The following NBAS variants were observed in gnomAD, a reference collection of about 807,000 sequenced individuals.
NBAS encodes NBAS subunit of NRZ tethering complex.
A neutral mutation model predicts 302.5 loss-of-function variants in NBAS; 219 were observed. That is an observed-to-expected ratio of 0.72 (90% CI 0.65 to 0.81). NBAS has a LOEUF of 0.81. NBAS is among the 30% of genes least tolerant of loss of function. NBAS has a pLI of 0.00. For missense variants in NBAS, 2,932 were observed against 2,841.6 expected, an observed-to-expected ratio of 1.03 and a Z score of -0.72; for synonymous variants, 1,118 against 1,021.6, an observed-to-expected ratio of 1.09 and a Z score of -1.80.
downstream of NBAS, among the ~76,000 whole-genome samples, chr2:15,165,136 G>GTT (rs1663983319): frequency 6.6e-6 from 1 of 152,254 alleles, no homozygotes; most frequent in Admixed American, 6.5e-5. Flanking sequence ...AACAGACTGT[G>GTT]TTTCTCAGAA....
At chr2:15,487,270 C>G (rs1200889170) in intron 12 of NBAS, among the ~76,000 whole-genome samples, 2 of 152,152 alleles carry the variant, frequency 1.3e-5, no homozygotes, top group African/African-American at 4.8e-5. Flanking sequence ...CACGAAGTAT[C>G]TTTTGGATCA....
chr2:15,028,819 A>G, the NBAS span, among the ~76,000 whole-genome samples: 1 of 152,176 alleles, frequency 6.6e-6, no homozygotes, highest in Non-Finnish European at 1.5e-5. Flanking sequence ...ACTCTATCAC[A>G]TTACTCAGTT....
At chr2:15,262,335 A>T (rs1306728173) in intron 44 of NBAS, among the ~76,000 whole-genome samples, 1 of 152,236 alleles carries the variant, frequency 6.6e-6, no homozygotes, top group Non-Finnish European at 1.5e-5. Flanking sequence ...TTGCACAGCC[A>T]GCCCTGAAGT....
chr2:15,391,630 C>A (rs10929366), intron 28 of NBAS, among the ~76,000 whole-genome samples: 1 of 151,712 alleles, frequency 6.6e-6, no homozygotes, highest in African/African-American at 2.4e-5. Context: ...AGAAGAAATA[C>A]GCAAAAATTT....
chr2:15,215,527 C>T (rs1235230937), intron 48 of NBAS, among the ~76,000 whole-genome samples: 1 of 152,206 alleles, frequency 6.6e-6, no homozygotes, highest in Non-Finnish European at 1.5e-5. Flanking sequence ...ATATCATTAT[C>T]TATTCTTATC....
intron 45 of NBAS, 112 bp from the exon 46 acceptor site, chr2:15,234,859 C>A: frequency 9.2e-7 from 1 of 1,085,542 alleles, no homozygotes; most frequent in Non-Finnish European, 1.4e-6. Context: ...AAAGCAGCAA[C>A]ACCATACCAA....
intron 28 of NBAS, among the ~76,000 whole-genome samples, chr2:15,385,443 T>C (rs6733519): frequency 0.6 from 91,659 of 152,092 alleles, 28,650 homozygotes; most frequent in Non-Finnish European, 0.68. Context: ...CATGGCTAGC[T>C]GTAAGTACAG....
downstream of NBAS, chr2:15,166,837 T>A (rs1465899681): frequency 1.9e-5 from 10 of 516,042 alleles, no homozygotes; most frequent in Non-Finnish European, 2.8e-5. Context: ...GAAGGAAGAG[T>A]CTCTTAATCA....
chr2:15,144,377 C>A, the NBAS span, among the ~76,000 whole-genome samples: 1 of 152,128 alleles, frequency 6.6e-6, no homozygotes, highest in Non-Finnish European at 1.5e-5. Flanking sequence ...ATCAACCTCC[C>A]AGCCTATTAA....
chr2:14,893,186 G>T, the NBAS span, among the ~76,000 whole-genome samples: 1 of 152,170 alleles, frequency 6.6e-6, no homozygotes, highest in Non-Finnish European at 1.5e-5. Flanking sequence ...CAATGAAGTT[G>T]CATGTACATG....
the NBAS span, among the ~76,000 whole-genome samples, chr2:14,797,617 A>G: frequency 6.6e-6 from 1 of 151,946 alleles, no homozygotes; most frequent in Admixed American, 6.6e-5. Flanking sequence ...GTCACTCGTG[A>G]CACACCTACT....
the NBAS span, among the ~76,000 whole-genome samples, chr2:15,141,292 A>T: frequency 6.6e-6 from 1 of 152,180 alleles, no homozygotes; most frequent in African/African-American, 2.4e-5. Context: ...CAACATGTGT[A>T]TATGAGCAAA....
At chr2:15,560,648 T>C (rs968255302) in intron 1 of NBAS, among the ~76,000 whole-genome samples, 5 of 151,252 alleles carry the variant, frequency 3.3e-5, no homozygotes, top group African/African-American at 1.2e-4. Context: ...ACACAAGACC[T>C]GGCGCGATCC....
intron 33 of NBAS, among the ~76,000 whole-genome samples, chr2:15,355,651 C>T (rs1673578597): frequency 6.6e-6 from 1 of 152,044 alleles, no homozygotes; most frequent in African/African-American, 2.4e-5. Flanking sequence ...TTGGTGCTGT[C>T]GTTGTGATAG....
intron 38 of NBAS, among the ~76,000 whole-genome samples, chr2:15,324,989 C>T (rs1250501627): frequency 6.6e-6 from 1 of 152,216 alleles, no homozygotes; most frequent in Non-Finnish European, 1.5e-5. Flanking sequence ...TAATTGCTTA[C>T]ATACTCAACA....
intron 38 of NBAS, among the ~76,000 whole-genome samples, chr2:15,310,701 A>T (rs1355967519): frequency 6.6e-6 from 1 of 152,190 alleles, no homozygotes; most frequent in Non-Finnish European, 1.5e-5. Context: ...CTCGCCTATT[A>T]CTTCCCACGA....
intron 32 of NBAS, among the ~76,000 whole-genome samples, chr2:15,360,861 G>A (rs915654606): frequency 6.6e-6 from 1 of 152,010 alleles, no homozygotes; most frequent in African/African-American, 2.4e-5. Context: ...CCCTCCTGAA[G>A]GACCTGCCTG....
the NBAS span, among the ~76,000 whole-genome samples, chr2:14,788,585 A>G: frequency 1.3e-5 from 2 of 152,082 alleles, no homozygotes; most frequent in African/African-American, 2.4e-5. Context: ...CTAGAGGTCC[A>G]CTCCAGACCC....
At chr2:14,800,327 C>T in the NBAS span, among the ~76,000 whole-genome samples, 1 of 152,082 alleles carries the variant, frequency 6.6e-6, no homozygotes, top group South Asian at 2.1e-4. Flanking sequence ...GATCTGATGG[C>T]TTTATAAGGT....
Sources: gnomAD v4.1 joint callset for allele counts (sites outside exome capture counted in the v4.1 genomes callset) on GRCh38, gnomAD v4.1.1 for gene constraint, MANE v1.5 for transcripts, NCBI Gene and HGNC (gene_info 2026-07-23, HGNC 2026-07-21) for gene names.